C12orf42: variants seen among roughly 807,000 people sequenced by gnomAD.
C12orf42 encodes chromosome 12 open reading frame 42, also known as uncharacterized protein C12orf42.
Under a neutral mutation model 21.6 loss-of-function variants are expected in C12orf42, and 25 were observed. The ratio of observed to expected loss-of-function variants is 1.16; its 90% CI spans 0.84 to 1.62. The LOEUF is 1.62. Ranked by LOEUF, C12orf42 falls within the 40% of genes most tolerant of loss-of-function variation. C12orf42 has a pLI of 0.00. For missense variants in C12orf42, 483 were observed against 459.3 expected, an observed-to-expected ratio of 1.05 and a Z score of -0.47; for synonymous variants, 174 against 175.0, an observed-to-expected ratio of 0.99 and a Z score of 0.05.
the C12orf42 span, among the ~76,000 whole-genome samples, chr12:103,055,763 T>C: frequency 6.6e-6 from 1 of 152,168 alleles, no homozygotes; most frequent in Non-Finnish European, 1.5e-5. Context: ...TTTCATTTGG[T>C]TAAATGTATT....
chr12:103,326,217 T>C (rs1031815405), intron 4 of C12orf42, among the ~76,000 whole-genome samples: 3 of 152,168 alleles, frequency 2.0e-5, no homozygotes, highest in Non-Finnish European at 4.4e-5. Flanking sequence ...TCAGAACCAA[T>C]ATTCTTTCAC....
chr12:103,221,333 C>T, the C12orf42 span, among the ~76,000 whole-genome samples: 1 of 152,118 alleles, frequency 6.6e-6, no homozygotes, highest in Non-Finnish European at 1.5e-5. Context: ...GAATGCCAAA[C>T]TCTATGAGAT....
At chr12:103,364,541 A>G (rs1354862910) in intron 4 of C12orf42, among the ~76,000 whole-genome samples, 1 of 152,084 alleles carries the variant, frequency 6.6e-6, no homozygotes, top group Non-Finnish European at 1.5e-5. Flanking sequence ...AAAATAAATG[A>G]ACAAAAAGTG....
At chr12:103,287,007 C>T (rs548614118) in intron 4 of C12orf42, among the ~76,000 whole-genome samples, 2 of 150,946 alleles carry the variant, frequency 1.3e-5, no homozygotes, top group South Asian at 2.1e-4. Flanking sequence ...CAATGAGATA[C>T]CATCTCACAC....
chr12:103,561,788 C>G, the C12orf42 span, among the ~76,000 whole-genome samples: 7 of 152,312 alleles, frequency 4.6e-5, no homozygotes, highest in Admixed American at 4.6e-4. Context: ...TTTCTTGTCT[C>G]ACTATCGTGT....
chr12:103,124,155 C>CTTTT, the C12orf42 span, among the ~76,000 whole-genome samples: 113 of 75,986 alleles, frequency 1.5e-3, 5 homozygotes, highest in East Asian at 5.8e-3. Context: ...CAAACATAAG[C>CTTTT]TTTTTTTTTT....
the C12orf42 span, among the ~76,000 whole-genome samples, chr12:103,175,154 A>G: frequency 6.6e-6 from 1 of 152,216 alleles, no homozygotes. Flanking sequence ...GCACACTTTA[A>G]TCTTATTATG....
At chr12:103,070,188 A>G in the C12orf42 span, among the ~76,000 whole-genome samples, 4 of 152,046 alleles carry the variant, frequency 2.6e-5, no homozygotes, top group African/African-American at 9.7e-5. Context: ...AAAACTCCAG[A>G]ATGTCCAGCT....
the C12orf42 span, among the ~76,000 whole-genome samples, chr12:103,090,981 T>TAAA: frequency 2.1e-5 from 3 of 142,074 alleles, no homozygotes; most frequent in South Asian, 2.2e-4. Context: ...CCTACAAGTG[T>TAAA]AAAAAAAAAA....
chr12:103,083,991 A>G, the C12orf42 span, among the ~76,000 whole-genome samples: 1 of 152,192 alleles, frequency 6.6e-6, no homozygotes, highest in Non-Finnish European at 1.5e-5. Context: ...TTGGTATAGT[A>G]AGTATTTAGT....
intron 10 of C12orf42, among the ~76,000 whole-genome samples, chr12:103,262,725 C>T (rs1250192978): frequency 6.6e-6 from 1 of 152,068 alleles, no homozygotes; most frequent in Admixed American, 6.5e-5. Context: ...TTAGTTCAAC[C>T]ATTGTGGAAG....
At chr12:103,066,770 G>C in the C12orf42 span, among the ~76,000 whole-genome samples, 1 of 152,158 alleles carries the variant, frequency 6.6e-6, no homozygotes, top group Non-Finnish European at 1.5e-5. Context: ...AAGAGTGGAT[G>C]GACCTCTCTT....
chr12:103,220,258 CA>C, the C12orf42 span, among the ~76,000 whole-genome samples: 1 of 151,882 alleles, frequency 6.6e-6, no homozygotes, highest in African/African-American at 2.4e-5. Context: ...CAGGGCCTCT[CA>C]GGGGGTGGGA....
At chr12:103,164,727 A>G in the C12orf42 span, 1 of 455,220 alleles carries the variant, frequency 2.2e-6, no homozygotes, top group African/African-American at 2.0e-5. Context: ...CATGATGAAT[A>G]CTCCTTTATT....
intron 4 of C12orf42, among the ~76,000 whole-genome samples, chr12:103,317,697 GT>G (rs67825483): frequency 9.2e-5 from 14 of 151,794 alleles, no homozygotes; most frequent in Admixed American, 2.6e-4. Context: ...ATTCTGAGTA[GT>G]TTTTTTTAAC....
intron 4 of C12orf42, among the ~76,000 whole-genome samples, chr12:103,282,159 G>A (rs1007522606): frequency 1.3e-5 from 2 of 152,052 alleles, no homozygotes; most frequent in Non-Finnish European, 2.9e-5. Flanking sequence ...GATTCTATAA[G>A]GTAATCAAGT....
At chr12:103,452,823 CA>C (rs1402665819) in intron 2 of C12orf42, among the ~76,000 whole-genome samples, 1 of 150,794 alleles carries the variant, frequency 6.6e-6, no homozygotes, top group Non-Finnish European at 1.5e-5. Context: ...GGGAATTGAA[CA>C]ATGAGAACAC....
chr12:103,254,770 G>A (rs2136204225), intron 10 of C12orf42, among the ~76,000 whole-genome samples: 1 of 152,310 alleles, frequency 6.6e-6, no homozygotes. Context: ...GGGGGATTGT[G>A]TGGGGAAGGG....
At chr12:103,554,297 A>C in the C12orf42 span, among the ~76,000 whole-genome samples, 31 of 152,108 alleles carry the variant, frequency 2.0e-4, no homozygotes, top group Non-Finnish European at 2.9e-4. Flanking sequence ...AAAAGGGGAA[A>C]AACTGAAAAC....
Sources: allele counts gnomAD v4.1 joint callset (sites outside exome capture counted in the v4.1 genomes callset), GRCh38; gene constraint gnomAD v4.1.1; transcripts MANE v1.5; gene names NCBI Gene and HGNC (gene_info 2026-07-23, HGNC 2026-07-21).